Variants in ZNF24 observed in about 807,000 individuals in gnomAD.
ZNF24 encodes retinoic acid suppression protein A.
A neutral mutation model predicts 40.9 loss-of-function variants in ZNF24; 11 were observed. The observed-to-expected ratio is 0.27, with a 90% confidence interval of 0.17 to 0.45. ZNF24 has a LOEUF of 0.45. Among genes scored for constraint, ZNF24 ranks in the 20% least tolerant of loss-of-function variants. The pLI is 1.00. For missense variants in ZNF24, 293 were observed against 437.7 expected, an observed-to-expected ratio of 0.67 and a Z score of 2.95; for synonymous variants, 139 against 154.7, an observed-to-expected ratio of 0.90 and a Z score of 0.75.
chr18:35,337,016 C>G lies in ZNF24; in HGVS notation c.*216G>C. On this transcript the variant is annotated 3_prime_UTR_variant, in exon 4 of 4. Coordinates refer to ENST00000261332, the MANE Select transcript of ZNF24 (RefSeq NM_006965.4). ...ACATGGAAAATTTAGGCATTAAGACCTGAATTAAGTTTAAAATTTCAGTTT... is the reference window on the plus strand; with the variant it reads ...ACATGGAAAATTTAGGCATTAAGACGTGAATTAAGTTTAAAATTTCAGTTT... 1 of 414,206 alleles carries G rather than the reference C, an allele frequency of 2.4e-6. No individual in the cohort carries two copies. Among genetic ancestry groups the G allele is most frequent in the East Asian group, 3.6e-5 (1 of 27,908 alleles). The allele number at this position is 414,206 out of a possible 1,614,324, so 25.7% of individuals were successfully genotyped here. A position where few individuals can be genotyped will look rare whatever the true frequency, so the allele number is the denominator to read the frequency against.
chr18:35,340,387 T>C lies in ZNF24; in HGVS notation c.264A>G (p.Lys88=). The change falls in exon 2 of 4, where the codon AAA becomes AAG. Residue 88 remains lysine (K), a synonymous_variant. Coordinates refer to ENST00000261332, the MANE Select transcript of ZNF24 (RefSeq NM_006965.4). This position sits in a 1 kb window ranked among gnomAD's most constrained non-coding sequence, Gnocchi z 4.6. ...GCACTACCAGCTCCAAGATTTGTTCTTTTGTGTGCGTCTCTGGCCTGAGCC... is the reference window on the plus strand; with the variant it reads ...GCACTACCAGCTCCAAGATTTGTTCCTTTGTGTGCGTCTCTGGCCTGAGCC... ...RLWLRPETHT[K]EQILELVVLE... 1 of 1,614,214 alleles carries C rather than the reference T, an allele frequency of 6.2e-7. No individual in the cohort carries two copies. Among genetic ancestry groups the C allele is most frequent in the Non-Finnish European group, 8.5e-7 (1 of 1,180,024 alleles).
In ZNF24 at chr18:35,340,155, G is replaced by T; in HGVS notation, c.420+76C>A. Reference sequence around the variant, plus strand: ...ATAAACATAATTCTAACTTAGTTGAGTGGAATTAATTCAGCAGCTTTGCCT... The same window carrying T: ...ATAAACATAATTCTAACTTAGTTGATTGGAATTAATTCAGCAGCTTTGCCT... On this transcript the variant is annotated intron_variant, in intron 2 of 3. Transcript: ENST00000261332. This position sits in a 1 kb window ranked among gnomAD's most constrained non-coding sequence, Gnocchi z 4.6. 1 of 1,538,346 alleles carries T rather than the reference G, an allele frequency of 6.5e-7. No individual in the cohort carries two copies. The highest frequency in any genetic ancestry group is 8.8e-7 in the Non-Finnish European group (1 of 1,132,154).
At position 35,332,936 on chromosome 18, in the gene ZNF24, T is replaced by C. The variant is rs1006868966; in HGVS notation, c.*4296A>G. 4.5e-4 allele frequency: 68 copies of C among 152,096 alleles called. No individual in the cohort carries two copies. Among genetic ancestry groups the C allele is most frequent in the African/African-American group, 1.6e-3 (67 of 41,402 alleles). 9.4% of individuals were successfully genotyped at this position (152,096 alleles called of 1,614,324 possible). A position where few individuals can be genotyped will look rare whatever the true frequency, so the allele number is the denominator to read the frequency against. On this transcript the variant is annotated 3_prime_UTR_variant, in exon 4 of 4. Coordinates refer to ENST00000261332, the MANE Select transcript of ZNF24 (RefSeq NM_006965.4). ...TTTTTATAATCAGGGAAATGCAAAA[T>C]AAGAAAAGGTTCTTTTTCGCCCAAC...
chr18:35,344,150 G>C (rs1409225256), intron 1 of ZNF24, among the ~76,000 whole-genome samples: 2 of 152,110 alleles, frequency 1.3e-5, no homozygotes, highest in African/African-American at 2.4e-5. Context: ...GGGGGTTAGA[G>C]AGCTCTCTGC....
chr18:35,333,605 C>G lies in ZNF24; in HGVS notation c.*3627G>C, dbSNP rs2044877562. ...TTCAAAGAAAAGAAAGAAATTTTGC[C>G]TACCAGATTGGCAAAAATTTTTAAG... On this transcript the variant is annotated 3_prime_UTR_variant, in exon 4 of 4. Coordinates refer to ENST00000261332, the MANE Select transcript of ZNF24 (RefSeq NM_006965.4). 1 of 152,122 alleles carries G rather than the reference C, an allele frequency of 6.6e-6. No homozygotes were observed. Among genetic ancestry groups the G allele is most frequent in the South Asian group, 2.1e-4 (1 of 4,832 alleles). The allele number at this position is 152,122 out of a possible 1,614,324, so 9.4% of individuals were successfully genotyped here.
intron 1 of ZNF24, 30 bp downstream of exon 1, chr18:35,344,330 C>G (rs1327514921): frequency 6.6e-6 from 1 of 152,312 alleles, no homozygotes; most frequent in Non-Finnish European, 1.5e-5. Flanking sequence ...CCCGGTGTCC[C>G]CCCTCCCTCT....
At position 35,332,385 on chromosome 18, in the gene ZNF24, A is replaced by C. The variant is rs193082939; in HGVS notation, c.*4847T>G. The C allele has an allele frequency of 6.6e-6, 1 of 152,388 alleles. No homozygotes were observed. Among genetic ancestry groups the C allele is most frequent in the East Asian group, 1.9e-4 (1 of 5,190 alleles). 9.4% of individuals were successfully genotyped at this position (152,388 alleles called of 1,614,324 possible). On this transcript the variant is annotated 3_prime_UTR_variant, in exon 4 of 4. Transcript: ENST00000261332. The stretch of plus-strand genomic sequence containing the variant: ...TTATCTTAAACAAGAAAGGGACTTT[A>C]TTGGCTCACAAAACTTTAAAGTCCG...
chr18:35,339,108 C>T, intron 3 of ZNF24: 1 of 1,469,604 alleles, frequency 6.8e-7, no homozygotes, highest in Non-Finnish European at 9.2e-7. Context: ...CATTTTAGTT[C>T]ACATAAACAT....
At chr18:35,343,392 T>A (rs8087196) in intron 1 of ZNF24, among the ~76,000 whole-genome samples, 1 of 152,088 alleles carries the variant, frequency 6.6e-6, no homozygotes, top group Non-Finnish European at 1.5e-5. Flanking sequence ...CTACCTTCAG[T>A]GAAACTGTAT....
At chr18:35,338,320 C>T in intron 3 of ZNF24, 1 of 985,480 alleles carries the variant, frequency 1.0e-6, no homozygotes, top group Non-Finnish European at 1.2e-6. Flanking sequence ...AGCTGGGGGC[C>T]TCCTGTGTTA....
At position 35,339,915 on chromosome 18, in the gene ZNF24, GCTT is replaced by G. The variant is rs1403082393; in HGVS notation, c.479_481del (p.Glu160del). 1 of 1,613,604 alleles carries G rather than the reference GCTT, an allele frequency of 6.2e-7. No homozygotes were observed. The highest frequency in any genetic ancestry group is 1.7e-5 in the Admixed American group (1 of 59,994). On this transcript the variant is annotated inframe_deletion, in exon 3 of 4. Transcript: ENST00000261332. The stretch of plus-strand genomic sequence containing the variant: ...AAGCTCAGAACTTGGTAATCCCTGA[GCTT>G]CTTCTTGAGATACCATGTCTTCTAC...
chr18:35,337,861 C>T, intron 3 of ZNF24, 91 bp from the exon 4 acceptor site: 1 of 1,108,902 alleles, frequency 9.0e-7, no homozygotes, highest in Non-Finnish European at 1.3e-6. Context: ...ACTAAAATAG[C>T]TAGCACACAT....
chr18:35,339,220 G>C, intron 3 of ZNF24: 1 of 541,076 alleles, frequency 1.8e-6, no homozygotes, highest in Non-Finnish European at 3.2e-6. Context: ...GACTGGTCTC[G>C]TGAATTAATA....
rs909077420 is a variant in ZNF24, at chr18:35,338,682, A to G, written c.569-912T>C. 1.4e-5 allele frequency: 15 copies of G among 1,067,260 alleles called. No individual in the cohort carries two copies. The African/African-American group carries it at 2.5e-4, about 18-fold the overall frequency. 66.1% of individuals were successfully genotyped at this position (1,067,260 alleles called of 1,614,324 possible). On this transcript the variant is annotated intron_variant, in intron 3 of 3. Transcript: ENST00000261332. ...AGATAAGGCTAAGAGAGAGAGACTG[A>G]AAGGTTAGAGGAGGATAGTGAGGCT...
rs1210062458 is a variant in ZNF24, at chr18:35,333,356, G to A, written c.*3876C>T. 2 of 151,968 alleles carry A rather than the reference G, an allele frequency of 1.3e-5. No individual in the cohort carries two copies. The highest frequency in any genetic ancestry group is 4.8e-5 in the African/African-American group (2 of 41,386). The allele number at this position is 151,968 out of a possible 1,614,324, so 9.4% of individuals were successfully genotyped here. On this transcript the variant is annotated 3_prime_UTR_variant, in exon 4 of 4. Coordinates refer to ENST00000261332, the MANE Select transcript of ZNF24 (RefSeq NM_006965.4). ...AGTGTTTTTATGTGTATGTATATTCGTACGGAAAGGTGACTAGAGGATGTA... is the reference window on the plus strand; with the variant it reads ...AGTGTTTTTATGTGTATGTATATTCATACGGAAAGGTGACTAGAGGATGTA...
Position 35,339,993 on chromosome 18 carries a change from T to C in ZNF24, c.421-17A>G, listed in dbSNP as rs774794357. 1.2e-6 allele frequency: 2 copies of C among 1,602,182 alleles called. No individual in the cohort carries two copies. Among genetic ancestry groups the C allele is most frequent in the Non-Finnish European group, 1.7e-6 (2 of 1,171,084 alleles). ...GAGAGAAACCTGGAAACAGAAAGAT[T>C]TGATTCAGAGAAGGAACTGTAATGA... On this transcript the variant is annotated splice_polypyrimidine_tract_variant and intron_variant, in intron 2 of 3. Transcript: ENST00000261332.
intron 1 of ZNF24, among the ~76,000 whole-genome samples, chr18:35,341,545 G>C (rs1445459351): frequency 6.6e-6 from 1 of 152,158 alleles, no homozygotes; most frequent in Non-Finnish European, 1.5e-5. Context: ...GGTCCTTCAG[G>C]AGGTATTACA....
In ZNF24 at chr18:35,339,849, A is replaced by T; in HGVS notation, c.548T>A (p.Leu183His). 2 of 1,610,482 alleles carry T rather than the reference A, an allele frequency of 1.2e-6. No homozygotes were observed. The highest frequency in any genetic ancestry group is 1.3e-5 in the African/African-American group (1 of 74,960). The change falls in exon 3 of 4, where the codon CTC becomes CAC. Residue 183 changes from leucine (L) to histidine (H), a missense_variant. Physicochemically the swap from Leu to His is moderately conservative, Grantham distance 99 (BLOSUM62 -3). This residue lies in a region of ZNF24 where 234 missense variants were observed against 299.2 expected (regional missense o/e 0.78). Coordinates refer to ENST00000261332, the MANE Select transcript of ZNF24 (RefSeq NM_006965.4). ...CTCACCACAGTGCCTTAGGGAATGG[A>T]GCTCCCAGGATGCCCACTTGAGCTG... Reference protein sequence around the residue: ...ENQLKWASWELHSLRHCDDDG... With the variant: ...ENQLKWASWEHHSLRHCDDDG...
At position 35,340,369 on chromosome 18, in the gene ZNF24, C is replaced by T; in HGVS notation, c.282G>A (p.Leu94=). The change falls in exon 2 of 4, where the codon CTG becomes CTA. Residue 94 remains leucine (L), a synonymous_variant. Coordinates refer to ENST00000261332, the MANE Select transcript of ZNF24 (RefSeq NM_006965.4). This position sits in a 1 kb window ranked among gnomAD's most constrained non-coding sequence, Gnocchi z 4.6. ...TGGCAACAAACTGCTCCAGCACTAC[C>T]AGCTCCAAGATTTGTTCTTTTGTGT... The part of the protein sequence containing the change: ...ETHTKEQILE[L]VVLEQFVAIL... The T allele has an allele frequency of 6.2e-7, 1 of 1,614,200 alleles. No homozygotes were observed. Among genetic ancestry groups the T allele is most frequent in the Non-Finnish European group, 8.5e-7 (1 of 1,180,030 alleles).
Sources: allele counts gnomAD v4.1 joint callset (sites outside exome capture counted in the v4.1 genomes callset), GRCh38; gene constraint gnomAD v4.1.1; regional missense constraint gnomAD v4.1.1; non-coding constraint Gnocchi (gnomAD v3.1); transcripts MANE v1.5; gene names NCBI Gene and HGNC (gene_info 2026-07-23, HGNC 2026-07-21).